WDR72: variants seen among roughly 807,000 people sequenced by gnomAD.
WDR72 encodes the protein WD repeat domain 72.
WDR72 carries 120 observed loss-of-function variants against 124.2 expected under a neutral mutation model. The observed-to-expected ratio is 0.97, with a 90% confidence interval of 0.83 to 1.12. WDR72 has a LOEUF of 1.12. WDR72 is among the 50% of genes most tolerant of loss of function. WDR72 has a pLI of 0.00. For synonymous variants in WDR72, 452 were observed against 441.7 expected (o/e 1.02, Z -0.29); for missense variants, 1,387 against 1,278.8 (o/e 1.08, Z -1.29).
At chr15:53,721,367 A>G (rs58563467) in intron 3 of WDR72, among the ~76,000 whole-genome samples, 2,932 of 152,282 alleles carry the variant, frequency 0.019, 97 homozygotes, top group African/African-American at 0.067. Flanking sequence ...GTTAGCTATT[A>G]TGTATTTCTC....
chr15:53,658,859 T>C (rs1383676005), intron 14 of WDR72, among the ~76,000 whole-genome samples: 2 of 152,192 alleles, frequency 1.3e-5, no homozygotes, highest in Non-Finnish European at 1.5e-5. Flanking sequence ...TATAAACCCT[T>C]AATAGTCGTT....
intron 1 of WDR72, among the ~76,000 whole-genome samples, chr15:53,758,000 TC>T (rs2018958238): frequency 6.6e-6 from 1 of 151,712 alleles, no homozygotes; most frequent in Non-Finnish European, 1.5e-5. Flanking sequence ...TCTCTCTCTC[TC>T]TCTCTCTTTT....
intron 13 of WDR72, among the ~76,000 whole-genome samples, chr15:53,691,994 A>G (rs1423307926): frequency 1.3e-5 from 2 of 152,218 alleles, no homozygotes; most frequent in Admixed American, 1.3e-4. Flanking sequence ...ATCAGCTTCT[A>G]GAAATAGAAC....
intron 6 of WDR72, among the ~76,000 whole-genome samples, chr15:53,713,834 T>C (rs2140554869): frequency 6.6e-6 from 1 of 152,292 alleles, no homozygotes; most frequent in East Asian, 1.9e-4. Context: ...ACGTTCTCAA[T>C]AAGTTTGTGA....
chr15:53,521,784 T>C (rs552916777), intron 19 of WDR72, among the ~76,000 whole-genome samples: 79 of 152,152 alleles, frequency 5.2e-4, no homozygotes, highest in Middle Eastern at 3.4e-3. Flanking sequence ...AAATGAGTAA[T>C]AGAAAACTGT....
At chr15:53,711,210 C>T in intron 8 of WDR72, 126 bp downstream of exon 8, 1 of 1,388,974 alleles carries the variant, frequency 7.2e-7, no homozygotes. Flanking sequence ...AGTAAATCTT[C>T]TAGTGCCAAA....
chr15:53,688,686 C>A (rs868326158), intron 13 of WDR72, among the ~76,000 whole-genome samples: 2 of 152,082 alleles, frequency 1.3e-5, no homozygotes, highest in Non-Finnish European at 2.9e-5. Context: ...GCTACCAATG[C>A]CTTTCTTCAC....
intron 14 of WDR72, among the ~76,000 whole-genome samples, chr15:53,660,458 A>G (rs1452912376): frequency 1.3e-5 from 2 of 152,166 alleles, no homozygotes; most frequent in East Asian, 3.8e-4. Flanking sequence ...TAGTGGGATC[A>G]AATTTTCAAT....
intron 13 of WDR72, among the ~76,000 whole-genome samples, chr15:53,696,807 G>C (rs2017016386): frequency 6.6e-6 from 1 of 152,068 alleles, no homozygotes; most frequent in African/African-American, 2.4e-5. Flanking sequence ...ACACAACAAA[G>C]GCAATACCCA....
At position 53,706,173 on chromosome 15, in the gene WDR72, C is replaced by A. The variant is rs1279964235; in HGVS notation, c.955-99G>T. ...AACAAGACTTAATAACTGAATAAAT[C>A]TTTTCAATTTATTTCCCACTCTTTT... On this transcript the variant is annotated intron_variant, in intron 9 of 19. Transcript: ENST00000360509. The A allele has an allele frequency of 3.9e-6, 5 of 1,277,860 alleles. No homozygotes were observed. In the East Asian group the frequency reaches 9.8e-5, roughly 25 times the overall value. The allele number at this position is 1,277,860 out of a possible 1,614,324, so 79.2% of individuals were successfully genotyped here.
intron 1 of WDR72, among the ~76,000 whole-genome samples, chr15:53,741,791 G>A (rs1304462696): frequency 3.3e-5 from 5 of 151,386 alleles, no homozygotes; most frequent in South Asian, 2.1e-4. Flanking sequence ...GTGGTGGCAC[G>A]ATCTCTGCTC....
At chr15:53,518,984 C>CACTT (rs774422348) in intron 19 of WDR72, among the ~76,000 whole-genome samples, 1 of 152,048 alleles carries the variant, frequency 6.6e-6, no homozygotes, top group South Asian at 2.1e-4. Context: ...GATGTGGAAA[C>CACTT]ACTTACGTAA....
chr15:53,741,048 T>C (rs931928546), intron 1 of WDR72, among the ~76,000 whole-genome samples: 1 of 152,222 alleles, frequency 6.6e-6, no homozygotes, highest in Non-Finnish European at 1.5e-5. Context: ...CAAATTAAAC[T>C]GACATCAACT....
chr15:53,563,914 C>T (rs1053150152), intron 18 of WDR72, among the ~76,000 whole-genome samples: 7 of 151,710 alleles, frequency 4.6e-5, no homozygotes, highest in Non-Finnish European at 5.9e-5. Flanking sequence ...TAGTAAAAGC[C>T]GCTATGCTGT....
At position 53,711,477 on chromosome 15, in the gene WDR72, T is replaced by C; in HGVS notation, c.716A>G (p.Tyr239Cys). Residue 239 changes from tyrosine (Y) to cysteine (C), a missense_variant, in exon 8 of 20, where the codon TAT becomes TGT. By Grantham distance (194) the Tyr-to-Cys change is radical (BLOSUM62 -2). Transcript: ENST00000360509. Reference sequence around the variant, plus strand: ...CAGAAGGGAAAAATCACAATAATCATAAACCTAAAATATGAAGTTGATGCA... The same window carrying C: ...CAGAAGGGAAAAATCACAATAATCACAAACCTAAAATATGAAGTTGATGCA... ...LVVFSKCWKV[Y>C]DYCDFSLLLT... 1 of 1,614,072 alleles carries C rather than the reference T, an allele frequency of 6.2e-7. No homozygotes were observed. The highest frequency in any genetic ancestry group is 1.1e-5 in the South Asian group (1 of 91,082).
At chr15:53,703,786 G>A (rs190099235) in intron 11 of WDR72, among the ~76,000 whole-genome samples, 124 of 152,156 alleles carry the variant, frequency 8.1e-4, no homozygotes, top group Middle Eastern at 3.4e-3. Context: ...TATTCAAAAT[G>A]AAAATAAACA....
intron 18 of WDR72, among the ~76,000 whole-genome samples, chr15:53,569,706 CT>C (rs1242237158): frequency 2.0e-5 from 3 of 152,026 alleles, no homozygotes; most frequent in Admixed American, 6.6e-5. Context: ...CTAATTAAGT[CT>C]TCTCAGAGTA....
At chr15:53,647,129 A>T (rs2015070876) in intron 14 of WDR72, among the ~76,000 whole-genome samples, 1 of 152,150 alleles carries the variant, frequency 6.6e-6, no homozygotes, top group Admixed American at 6.6e-5. Context: ...TTAGAAAATC[A>T]TATAACTCCA....
chr15:53,602,501 G>C (rs1420936218), intron 17 of WDR72, among the ~76,000 whole-genome samples: 5 of 151,434 alleles, frequency 3.3e-5, no homozygotes, highest in African/African-American at 1.2e-4. Context: ...TGAACTAAAG[G>C]AGATAACTCA....
Sources: allele counts gnomAD v4.1 joint callset (sites outside exome capture counted in the v4.1 genomes callset), GRCh38; gene constraint gnomAD v4.1.1; transcripts MANE v1.5; gene names NCBI Gene and HGNC (gene_info 2026-07-23, HGNC 2026-07-21).